Variants in CNTNAP2 observed in about 807,000 individuals in gnomAD.
The protein encoded by CNTNAP2 is contactin associated protein 2, also known as contactin-associated protein-like 2.
In CNTNAP2, 98 loss-of-function variants were observed where a neutral mutation model predicts 155.2. That is an observed-to-expected ratio of 0.63 (90% CI 0.54 to 0.75). The LOEUF is 0.75. CNTNAP2 is among the 30% of genes least tolerant of loss of function. CNTNAP2 has a pLI of 0.00. For synonymous variants in CNTNAP2, 651 were observed against 631.2 expected, an observed-to-expected ratio of 1.03 and a Z score of -0.47; for missense variants, 1,727 against 1,688.1, an observed-to-expected ratio of 1.02 and a Z score of -0.40.
intron 13 of CNTNAP2, among the ~76,000 whole-genome samples, chr7:147,808,539 C>A (rs367747605): frequency 6.6e-6 from 1 of 152,176 alleles, no homozygotes; most frequent in East Asian, 1.9e-4. Flanking sequence ...ATGACACTTC[C>A]CTGTGTCTAA....
At chr7:146,501,793 T>G (rs1797303990) in intron 1 of CNTNAP2, among the ~76,000 whole-genome samples, 1 of 151,974 alleles carries the variant, frequency 6.6e-6, no homozygotes, top group South Asian at 2.1e-4. Flanking sequence ...TAATGACAAG[T>G]GTCATTATAA....
rs113028868 is a variant in CNTNAP2, at chr7:146,253,893, C to CAAAA, written c.97+136929_97+136932dup. 7.2e-4 allele frequency among the ~76,000 whole-genome samples: 103 copies of CAAAA among 142,146 alleles called. 1 individual carries two copies. The highest frequency in any genetic ancestry group is 2.1e-3 in the African/African-American group (84 of 39,658). The allele number at this position is 142,146 out of a possible 152,430, so 93.3% of individuals were successfully genotyped here. A position where few individuals can be genotyped will look rare whatever the true frequency, so the allele number is the denominator to read the frequency against. On this transcript the variant is annotated intron_variant, in intron 1 of 23. Coordinates refer to ENST00000361727, the MANE Select transcript of CNTNAP2 (RefSeq NM_014141.6). ...GAAACATAGTGCAACCCTGTCACTA[C>CAAAA]AAAAAAAAAAAATTAAAAATTAGCT...
chr7:147,338,276 T>C (rs1795698664), intron 9 of CNTNAP2, among the ~76,000 whole-genome samples: 1 of 152,136 alleles, frequency 6.6e-6, no homozygotes. Context: ...CAGCATGGGA[T>C]AAACCACCTC....
rs116179537 is a variant in CNTNAP2, at chr7:146,854,666, A to C, written c.402+14762A>C. On this transcript the variant is annotated intron_variant, in intron 3 of 23. Transcript: ENST00000361727. ...CACGGGATCTACTCACACTTAGTAC[A>C]TAGATACTTAGTATAGCACATAGTA... Among the ~76,000 whole-genome samples the C allele has an allele frequency of 1.9e-3, 290 of 152,300 alleles. 2 individuals are homozygous for C. Among genetic ancestry groups the C allele is most frequent in the African/African-American group, 6.8e-3 (281 of 41,570 alleles).
intron 14 of CNTNAP2, among the ~76,000 whole-genome samples, chr7:147,918,024 C>A (rs1460054613): frequency 6.6e-6 from 1 of 152,230 alleles, no homozygotes; most frequent in Non-Finnish European, 1.5e-5. Context: ...CCAAGGAAAC[C>A]TCCCTGCCTT....
intron 6 of CNTNAP2, among the ~76,000 whole-genome samples, chr7:147,126,254 T>C (rs1186352858): frequency 1.3e-5 from 2 of 152,188 alleles, no homozygotes. Flanking sequence ...TGCGACATTT[T>C]GTGTACACTT....
intron 15 of CNTNAP2, among the ~76,000 whole-genome samples, chr7:148,082,513 G>C (rs768703515): frequency 3.9e-5 from 6 of 152,114 alleles, no homozygotes; most frequent in African/African-American, 1.4e-4. Context: ...GGTCAGAGAC[G>C]CAAAAGGCAT....
intron 1 of CNTNAP2, among the ~76,000 whole-genome samples, chr7:146,163,896 C>T (rs1204212602): frequency 2.0e-5 from 3 of 152,066 alleles, no homozygotes; most frequent in African/African-American, 7.2e-5. Context: ...AGTAAGTGTT[C>T]CAGACCCAGC....
chr7:146,350,821 C>T (rs529238046), intron 1 of CNTNAP2, among the ~76,000 whole-genome samples: 1 of 152,068 alleles, frequency 6.6e-6, no homozygotes, highest in Admixed American at 6.5e-5. Context: ...AAATGTGACA[C>T]ATATACACCA....
At chr7:147,892,190 G>A (rs931573306) in intron 13 of CNTNAP2, among the ~76,000 whole-genome samples, 4 of 152,074 alleles carry the variant, frequency 2.6e-5, no homozygotes, top group Admixed American at 6.6e-5. Context: ...CAACTCAATG[G>A]TTACACATAA....
chr7:147,289,511 G>A (rs552419646), intron 8 of CNTNAP2, among the ~76,000 whole-genome samples: 1 of 152,000 alleles, frequency 6.6e-6, no homozygotes, highest in African/African-American at 2.4e-5. Context: ...AGGAAGGAAG[G>A]CAGGCATCTG....
chr7:147,708,934 T>A (rs1280155790), intron 13 of CNTNAP2, among the ~76,000 whole-genome samples: 1 of 152,136 alleles, frequency 6.6e-6, no homozygotes, highest in Non-Finnish European at 1.5e-5. Flanking sequence ...TAATACATGA[T>A]TTTTTCTACT....
At chr7:146,861,823 G>A (rs950206519) in intron 3 of CNTNAP2, among the ~76,000 whole-genome samples, 62 of 152,174 alleles carry the variant, frequency 4.1e-4, no homozygotes, top group African/African-American at 1.4e-3. Context: ...GAGCCATGGC[G>A]CCTTATAAAT....
chr7:148,212,630 A>C (rs1251406610), intron 18 of CNTNAP2, among the ~76,000 whole-genome samples: 1 of 152,196 alleles, frequency 6.6e-6, no homozygotes, highest in East Asian at 1.9e-4. Flanking sequence ...TGATAATTTT[A>C]CGAGGGAAAT....
chr7:146,328,249 T>C (rs897839939), intron 1 of CNTNAP2, among the ~76,000 whole-genome samples: 12 of 152,130 alleles, frequency 7.9e-5, no homozygotes, highest in Non-Finnish European at 1.6e-4. Context: ...TGCCTGATGA[T>C]CTGAGGTGAA....
At chr7:147,144,197 G>C (rs1801654905) in intron 8 of CNTNAP2, among the ~76,000 whole-genome samples, 1 of 152,258 alleles carries the variant, frequency 6.6e-6, no homozygotes, top group Non-Finnish European at 1.5e-5. Flanking sequence ...TGTCTCTGAA[G>C]TATTTTATTT....
At chr7:148,312,442 T>C (rs1563037262) in intron 21 of CNTNAP2, among the ~76,000 whole-genome samples, 1 of 152,124 alleles carries the variant, frequency 6.6e-6, no homozygotes. Context: ...CCCAGGTAAT[T>C]TGCTGAGCCT....
rs1554481257 is a variant in CNTNAP2 at position 146,790,585 on chromosome 7, T to TTG, written c.208+16204_208+16205insTG. 9.9e-5 allele frequency among the ~76,000 whole-genome samples: 15 copies of TTG among 151,120 alleles called. 1 individual carries two copies. The highest frequency in any genetic ancestry group is 3.4e-4 in the African/African-American group (14 of 40,932). ...GGTCAGTGATTTTTTTTTTTTTTTT[T>TTG]GTAAGACGGAGTCTCGCTCTGTCGC... On this transcript the variant is annotated intron_variant, in intron 2 of 23. Coordinates refer to ENST00000361727, the MANE Select transcript of CNTNAP2 (RefSeq NM_014141.6).
At chr7:146,951,322 G>T (rs1226555518) in intron 3 of CNTNAP2, among the ~76,000 whole-genome samples, 4 of 152,030 alleles carry the variant, frequency 2.6e-5, no homozygotes, top group Non-Finnish European at 5.9e-5. Context: ...GTCAATTTTG[G>T]CTTTTGTGGC....
Sources: allele counts gnomAD v4.1 joint callset (sites outside exome capture counted in the v4.1 genomes callset), GRCh38; gene constraint gnomAD v4.1.1; transcripts MANE v1.5; gene names NCBI Gene and HGNC (gene_info 2026-07-23, HGNC 2026-07-21).